DNAH12: variants seen among roughly 807,000 people sequenced by gnomAD.
DNAH12 encodes dynein axonemal heavy chain 12, also known as axonemal beta dynein heavy chain 12.
Under a neutral mutation model 371.5 loss-of-function variants are expected in DNAH12, and 285 were observed. That is an observed-to-expected ratio of 0.77 (90% CI 0.70 to 0.85). DNAH12 has a LOEUF of 0.85. DNAH12 is among the 40% of genes least tolerant of loss of function. The pLI is 0.00. For missense variants in DNAH12, 3,611 were observed against 3,689.4 expected (o/e 0.98, Z 0.55); for synonymous variants, 1,200 against 1,213.0 (o/e 0.99, Z 0.22).
At chr3:57,522,101 G>A (rs1283624381) in intron 4 of DNAH12, among the ~76,000 whole-genome samples, 2 of 151,998 alleles carry the variant, frequency 1.3e-5, no homozygotes, top group African/African-American at 2.4e-5. Context: ...GCACATGTCT[G>A]TAATCCCAGC....
At chr3:57,509,092 C>A in intron 6 of DNAH12, 48 bp downstream of exon 6, 1 of 1,469,496 alleles carries the variant, frequency 6.8e-7, no homozygotes, top group Non-Finnish European at 9.4e-7. Context: ...TATTTTTTAT[C>A]TATATCAAAA....
the DNAH12 span, among the ~76,000 whole-genome samples, chr3:57,551,302 C>T: frequency 7.2e-5 from 11 of 151,826 alleles, no homozygotes; most frequent in South Asian, 2.1e-4. Flanking sequence ...GATGGAGTCT[C>T]GCTCTGTCGC....
chr3:57,423,972 C>T (rs1026076166), intron 35 of DNAH12, among the ~76,000 whole-genome samples: 1 of 151,936 alleles, frequency 6.6e-6, no homozygotes, highest in Non-Finnish European at 1.5e-5. Context: ...CTCCTGACCT[C>T]AAATGATCTG....
At chr3:57,508,319 TAC>T in intron 7 of DNAH12, 61 bp downstream of exon 7, 3 of 1,407,380 alleles carry the variant, frequency 2.1e-6, no homozygotes, top group Non-Finnish European at 2.8e-6. Flanking sequence ...TTAAAAATTA[TAC>T]AGTCAAAAAT....
chr3:57,435,285 T>C (rs1364334334), intron 30 of DNAH12, among the ~76,000 whole-genome samples: 1 of 148,314 alleles, frequency 6.7e-6, no homozygotes, highest in African/African-American at 2.5e-5. Flanking sequence ...GGCATGAGAA[T>C]CACTTGAACC....
At chr3:57,316,483 C>T (rs2061688310) in intron 65 of DNAH12, among the ~76,000 whole-genome samples, 1 of 152,064 alleles carries the variant, frequency 6.6e-6, no homozygotes, top group Non-Finnish European at 1.5e-5. Context: ...TCAACTCAGC[C>T]AAGCAGAGTT....
At position 57,323,006 on chromosome 3, in the gene DNAH12, C is replaced by T; in HGVS notation, c.10383+1G>A. 6.4e-7 allele frequency: 1 copy of T among 1,551,616 alleles called. No homozygotes were observed. Among genetic ancestry groups the T allele is most frequent in the Non-Finnish European group, 8.7e-7 (1 of 1,146,936 alleles). ...TTAACTCTATAAGGAAATAAACATA[C>T]TTTTGAAGATGGATAGCTTGTCAGC... On this transcript the variant is annotated splice_donor_variant, in intron 64 of 73. Transcript: ENST00000495027. LOFTEE classifies it high-confidence loss of function.
chr3:57,314,757 T>C, intron 65 of DNAH12, 126 bp from the exon 66 acceptor site: 6 of 1,003,572 alleles, frequency 6.0e-6, no homozygotes, highest in Non-Finnish European at 8.4e-6. Context: ...AAACTTCTAT[T>C]TTAAAAAAAT....
At chr3:57,499,755 T>G (rs1177212622) in intron 11 of DNAH12, among the ~76,000 whole-genome samples, 1 of 144,580 alleles carries the variant, frequency 6.9e-6, no homozygotes, top group Non-Finnish European at 1.5e-5. Context: ...GGAGGACTGC[T>G]TGAACCCGGG....
chr3:57,352,301 CTTTTTA>C, intron 59 of DNAH12, 76 bp from the exon 60 acceptor site: 1 of 1,390,106 alleles, frequency 7.2e-7, no homozygotes, highest in Non-Finnish European at 9.6e-7. Context: ...AACATATACA[CTTTTTA>C]TTTTATGAAA....
intron 39 of DNAH12, among the ~76,000 whole-genome samples, chr3:57,409,233 C>T (rs1378528560): frequency 1.3e-5 from 2 of 152,142 alleles, no homozygotes; most frequent in African/African-American, 2.4e-5. Flanking sequence ...GCCATCAAGT[C>T]TCTAATACTG....
At chr3:57,393,645 A>G (rs2063675394) in intron 44 of DNAH12, among the ~76,000 whole-genome samples, 3 of 121,828 alleles carry the variant, frequency 2.5e-5, no homozygotes, top group South Asian at 2.5e-4. Flanking sequence ...AAAAAAAAAA[A>G]AAAAAAGAAA....
Position 57,446,900 on chromosome 3 carries a change from C to G in DNAH12, c.3787-211G>C, listed in dbSNP as rs1010472853. Among the ~76,000 whole-genome samples the G allele has an allele frequency of 8.5e-5, 13 of 152,158 alleles. No homozygotes were observed. The East Asian group carries it at 2.5e-3, about 29-fold the overall frequency. On this transcript the variant is annotated intron_variant, in intron 25 of 73. Coordinates refer to ENST00000495027, the MANE Select transcript of DNAH12 (RefSeq NM_001366028.2). ...AAAGTGACAATGTATCAAAACTTGT[C>G]TTCTGACACTTTCATAGGTATCCCA... is the stretch of plus-strand genomic sequence containing the variant.
chr3:57,344,476 A>T (rs1440344148), intron 60 of DNAH12, among the ~76,000 whole-genome samples: 2 of 152,166 alleles, frequency 1.3e-5, no homozygotes, highest in Middle Eastern at 3.2e-3. Context: ...TATATTGAAG[A>T]GATGTCTGCA....
intron 47 of DNAH12, 126 bp downstream of exon 47, chr3:57,386,315 G>C (rs1477239235): frequency 1.3e-5 from 2 of 152,184 alleles, no homozygotes; most frequent in East Asian, 3.9e-4. Context: ...ATAACTGAAG[G>C]AATAGATGTG....
rs1216667870 is a variant in DNAH12 at position 57,453,143 on chromosome 3, G to A, written c.3613+104C>T. 3 of 1,458,986 alleles carry A rather than the reference G, an allele frequency of 2.1e-6. No homozygotes were observed. In the African/African-American group the frequency reaches 4.3e-5, roughly 21 times the overall value. 90.4% of individuals were successfully genotyped at this position (1,458,986 alleles called of 1,614,324 possible). A position where few individuals can be genotyped will look rare whatever the true frequency, so the allele number is the denominator to read the frequency against. ...TGTTTGCCAACTTATAAAAAAGATT[G>A]TGTTAAAAAAATTCTGTTGAGAGAA... is the stretch of plus-strand genomic sequence containing the variant. On this transcript the variant is annotated intron_variant, in intron 24 of 73. Coordinates refer to ENST00000495027, the MANE Select transcript of DNAH12 (RefSeq NM_001366028.2).
chr3:57,534,039 A>T (rs2068941470), intron 2 of DNAH12, among the ~76,000 whole-genome samples: 1 of 152,136 alleles, frequency 6.6e-6, no homozygotes, highest in Admixed American at 6.5e-5. Context: ...AGTTCTGATC[A>T]CTGGGATGTG....
At chr3:57,520,365 A>G (rs1041264083) in intron 4 of DNAH12, among the ~76,000 whole-genome samples, 23 of 151,900 alleles carry the variant, frequency 1.5e-4, no homozygotes, top group Admixed American at 2.6e-4. Context: ...TGCTTGGATT[A>G]CAGGCATGAG....
rs1269597885 is a variant in DNAH12, at chr3:57,389,656, C to CT, written c.7305+2215dup. Reference sequence around the variant, plus strand: ...TGTGACTCCTTTTATAGTGAAAATACTTTTTTTCCCCAAAGCTCCCCAGCA... The same window carrying CT: ...TGTGACTCCTTTTATAGTGAAAATACTTTTTTTTCCCCAAAGCTCCCCAGCA... On this transcript the variant is annotated intron_variant, in intron 45 of 73. Coordinates refer to ENST00000495027, the MANE Select transcript of DNAH12 (RefSeq NM_001366028.2). 9.6e-3 allele frequency among the ~76,000 whole-genome samples: 1,449 copies of CT among 151,392 alleles called. 23 individuals carry two copies. The highest frequency in any genetic ancestry group is 0.033 in the African/African-American group (1,373 of 41,266).
Sources: gnomAD v4.1 joint callset for allele counts (sites outside exome capture counted in the v4.1 genomes callset) on GRCh38, gnomAD v4.1.1 for gene constraint, MANE v1.5 for transcripts, NCBI Gene and HGNC (gene_info 2026-07-23, HGNC 2026-07-21) for gene names.